Variants in COPS4 observed in about 807,000 individuals in gnomAD.
COPS4 encodes COP9 signalosome complex subunit 4.
In COPS4, 8 loss-of-function variants were observed where a neutral mutation model predicts 55.1. The ratio of observed to expected loss-of-function variants is 0.15; its 90% CI spans 0.09 to 0.26. The LOEUF is 0.26. Among genes scored for constraint, COPS4 ranks in the 10% least tolerant of loss-of-function variants. The pLI is 1.00. For missense variants in COPS4, 248 were observed against 484.0 expected (o/e 0.51, Z 4.58); for synonymous variants, 185 against 165.7 (o/e 1.12, Z -0.90).
intron 5 of COPS4, 47 bp downstream of exon 5, chr4:83,057,126 A>T (rs1731033965): frequency 6.4e-7 from 1 of 1,564,064 alleles, no homozygotes; most frequent in Non-Finnish European, 8.8e-7. Flanking sequence ...GGAGAATTGT[A>T]ACATACTAAG....
intron 4 of COPS4, among the ~76,000 whole-genome samples, chr4:83,052,724 C>T (rs914892136): frequency 3.3e-5 from 5 of 152,102 alleles, no homozygotes; most frequent in Non-Finnish European, 4.4e-5. Context: ...GTAGTTGGGA[C>T]TACAGGTGCA....
chr4:83,064,128 G>A (rs1731240272), intron 7 of COPS4, among the ~76,000 whole-genome samples: 1 of 152,132 alleles, frequency 6.6e-6, no homozygotes, highest in African/African-American at 2.4e-5. Context: ...TTCAGCCTGG[G>A]AGTTTCAGAC....
intron 7 of COPS4, among the ~76,000 whole-genome samples, chr4:83,065,526 A>G (rs1731273539): frequency 2.0e-5 from 3 of 152,214 alleles, no homozygotes; most frequent in Non-Finnish European, 4.4e-5. Flanking sequence ...GAAGTCTCCA[A>G]GTATATTTTG....
intron 6 of COPS4, among the ~76,000 whole-genome samples, chr4:83,062,799 CAG>C (rs1731193816): frequency 6.6e-6 from 1 of 152,142 alleles, no homozygotes; most frequent in African/African-American, 2.4e-5. Flanking sequence ...TGTCTCTAAA[CAG>C]AAACACACAT....
At chr4:83,067,136 T>C (rs1731310687) in intron 8 of COPS4, among the ~76,000 whole-genome samples, 1 of 151,932 alleles carries the variant, frequency 6.6e-6, no homozygotes, top group Non-Finnish European at 1.5e-5. Context: ...AGCGTGATCA[T>C]AGCTTACTGC....
At chr4:83,045,726 A>ACT in intron 2 of COPS4, 21 bp downstream of exon 2, 1 of 1,565,522 alleles carries the variant, frequency 6.4e-7, no homozygotes, top group Non-Finnish European at 8.8e-7. Flanking sequence ...TGGAAATTTC[A>ACT]TGCTTGCCTT....
intron 1 of COPS4, among the ~76,000 whole-genome samples, chr4:83,042,914 A>ATTTTTTTTTTT (rs761199795): frequency 7.5e-6 from 1 of 133,284 alleles, no homozygotes; most frequent in Non-Finnish European, 1.6e-5. Flanking sequence ...CAATTTTTGT[A>ATTTTTTTTTTT]TTTTTTTTTT....
chr4:83,057,183 T>C (rs1731034801), intron 5 of COPS4, 75 bp from the exon 6 acceptor site: 1 of 1,510,870 alleles, frequency 6.6e-7, no homozygotes, highest in Non-Finnish European at 9.0e-7. Context: ...AGAAATTGTT[T>C]CTCTGTTTTG....
intron 1 of COPS4, among the ~76,000 whole-genome samples, chr4:83,037,179 G>A (rs1388657107): frequency 6.6e-6 from 1 of 152,168 alleles, no homozygotes. Flanking sequence ...CTCTCATTCA[G>A]TAGTTTAGCT....
chr4:83,037,249 G>A (rs1319348598), intron 1 of COPS4, among the ~76,000 whole-genome samples: 1 of 152,210 alleles, frequency 6.6e-6, no homozygotes, highest in African/African-American at 2.4e-5. Flanking sequence ...GATAGCCTAG[G>A]AAGTCTCACG....
chr4:83,038,922 C>T (rs754319978), intron 1 of COPS4, among the ~76,000 whole-genome samples: 18 of 152,292 alleles, frequency 1.2e-4, no homozygotes, highest in Non-Finnish European at 2.4e-4. Context: ...GGATTACAGG[C>T]GTGAGCCACC....
intron 4 of COPS4, among the ~76,000 whole-genome samples, chr4:83,055,820 A>G (rs937277304): frequency 5.9e-5 from 9 of 152,150 alleles, no homozygotes; most frequent in Non-Finnish European, 1.0e-4. Context: ...TTTTCCTAGC[A>G]TAGATATTTA....
At chr4:83,056,123 G>C (rs1731006783) in intron 4 of COPS4, among the ~76,000 whole-genome samples, 1 of 151,740 alleles carries the variant, frequency 6.6e-6, no homozygotes, top group Admixed American at 6.6e-5. Context: ...GTAGAGACAG[G>C]GTTTTACCAT....
chr4:83,055,734 C>T (rs926348967), intron 4 of COPS4, among the ~76,000 whole-genome samples: 1 of 152,048 alleles, frequency 6.6e-6, no homozygotes, highest in African/African-American at 2.4e-5. Context: ...AGCCACCGCG[C>T]CCAGTCTTGT....
chr4:83,067,457 C>T (rs1402124320), intron 8 of COPS4, among the ~76,000 whole-genome samples: 1 of 151,768 alleles, frequency 6.6e-6, no homozygotes, highest in Non-Finnish European at 1.5e-5. Context: ...AATTCCTGAC[C>T]TTATGATCCA....
At chr4:83,035,944 A>C (rs1730405117) in intron 1 of COPS4, 1 of 152,566 alleles carries the variant, frequency 6.6e-6, no homozygotes, top group Non-Finnish European at 1.5e-5. Context: ...AATTTTGTCG[A>C]AATTTATATA....
At chr4:83,042,863 C>G (rs1049911968) in intron 1 of COPS4, among the ~76,000 whole-genome samples, 4 of 152,050 alleles carry the variant, frequency 2.6e-5, no homozygotes, top group South Asian at 4.1e-4. Flanking sequence ...CCTTGGCCTC[C>G]CAAAGTGCTG....
intron 2 of COPS4, among the ~76,000 whole-genome samples, chr4:83,048,353 T>C (rs1314848249): frequency 6.6e-6 from 1 of 152,226 alleles, no homozygotes; most frequent in African/African-American, 2.4e-5. Flanking sequence ...TAGTGCTCAC[T>C]GAAGTTCTTA....
At chr4:83,062,286 A>G (rs1177172430) in intron 6 of COPS4, among the ~76,000 whole-genome samples, 2 of 152,234 alleles carry the variant, frequency 1.3e-5, no homozygotes, top group African/African-American at 2.4e-5. Context: ...AATAGAAATC[A>G]CCTGTTCTTC....
Sources: gnomAD v4.1 joint callset for allele counts (sites outside exome capture counted in the v4.1 genomes callset) on GRCh38, gnomAD v4.1.1 for gene constraint, MANE v1.5 for transcripts, NCBI Gene and HGNC (gene_info 2026-07-23, HGNC 2026-07-21) for gene names.